Variants in KANSL1 observed in about 807,000 individuals in gnomAD.
The protein encoded by KANSL1 is KAT8 regulatory NSL complex subunit 1, also known as MLL1/MLL complex subunit KANSL1.
A neutral mutation model predicts 103.6 loss-of-function variants in KANSL1; 22 were observed. The observed-to-expected ratio is 0.21, with a 90% CI of 0.15 to 0.30. The LOEUF (loss-of-function observed/expected upper bound fraction) is 0.30. KANSL1 is among the 10% of genes least tolerant of loss of function. The pLI is 1.00. For missense variants in KANSL1, 1,337 were observed against 1,399.8 expected, an observed-to-expected ratio of 0.96 and a Z score of 0.72; for synonymous variants, 600 against 527.6, an observed-to-expected ratio of 1.14 and a Z score of -1.88.
rs2042164101 is a variant in KANSL1, at chr17:46,098,224, C to T, written c.1290-3523G>A. On this transcript the variant is annotated intron_variant, in intron 2 of 14. Transcript: ENST00000432791. ...ACCCTCGTATTTTATTCCCACCTTT[C>T]CTTACTTTTCAAGGCTTACCACCTT... is the stretch of plus-strand genomic sequence containing the variant. 4.0e-5 allele frequency among the ~76,000 whole-genome samples: 6 copies of T among 150,522 alleles called. No homozygotes were observed. The South Asian group carries it at 1.2e-3, about 31-fold the overall frequency.
At chr17:46,135,151 A>G (rs1190503093) in intron 2 of KANSL1, among the ~76,000 whole-genome samples, 2 of 147,378 alleles carry the variant, frequency 1.4e-5, no homozygotes, top group Admixed American at 6.8e-5. Context: ...AGGGAGAAAT[A>G]ACTTGGGGAA....
intron 1 of KANSL1, among the ~76,000 whole-genome samples, chr17:46,190,361 T>C (rs911379287): frequency 1.2e-4 from 18 of 152,198 alleles, no homozygotes; most frequent in African/African-American, 3.9e-4. Flanking sequence ...AGAAATAACA[T>C]GTGTAGGCAG....
At chr17:46,149,096 G>A (rs1285243741) in intron 2 of KANSL1, among the ~76,000 whole-genome samples, 3 of 150,864 alleles carry the variant, frequency 2.0e-5, no homozygotes, top group Non-Finnish European at 4.4e-5. Context: ...TCCACCTCCC[G>A]GGTTCACGCC....
intron 2 of KANSL1, among the ~76,000 whole-genome samples, chr17:46,116,185 TAGAAATAGCTCAGCA>T (rs1313253657): frequency 9.2e-5 from 14 of 152,206 alleles, no homozygotes; most frequent in African/African-American, 3.4e-4. Flanking sequence ...TAGATTTTAT[TAGAAATAGCTCAGCA>T]CGTAAAGTCC....
At chr17:46,210,249 T>C (rs950485460) in intron 1 of KANSL1, among the ~76,000 whole-genome samples, 2 of 151,664 alleles carry the variant, frequency 1.3e-5, no homozygotes, top group Non-Finnish European at 2.9e-5. Flanking sequence ...CTGAGGCGGG[T>C]GGATCATGAG....
chr17:46,154,799 A>G lies in KANSL1; in HGVS notation c.1289+16056T>C, dbSNP rs947083338. On this transcript the variant is annotated intron_variant, in intron 2 of 14. Coordinates refer to ENST00000432791, the MANE Select transcript of KANSL1 (RefSeq NM_015443.4). ...AATCAGAGCATAAGTAACCCATATT[A>G]TACATGGTTTATATGATGCCATCTC... Among the ~76,000 whole-genome samples, 7 of 152,306 alleles carry G rather than the reference A, an allele frequency of 4.6e-5. No homozygotes were observed. In the East Asian group the frequency reaches 1.3e-3, roughly 29 times the overall value.
chr17:46,221,948 C>T (rs1263599392), intron 1 of KANSL1: 1 of 152,198 alleles, frequency 6.6e-6, no homozygotes, highest in Non-Finnish European at 1.5e-5. Context: ...TCAATGCTAT[C>T]CTCCCCGCAA....
At chr17:46,074,721 G>A (rs1245203616) in intron 4 of KANSL1, among the ~76,000 whole-genome samples, 1 of 151,586 alleles carries the variant, frequency 6.6e-6, no homozygotes, top group African/African-American at 2.4e-5. Context: ...TGGTGATTGC[G>A]ACACTGCACT....
At chr17:46,129,458 G>T (rs1334947265) in intron 2 of KANSL1, among the ~76,000 whole-genome samples, 1 of 152,214 alleles carries the variant, frequency 6.6e-6, no homozygotes, top group East Asian at 1.9e-4. Flanking sequence ...CAGTATCTCA[G>T]CAACAGTGCT....
At chr17:46,092,683 A>G (rs1463714952) in intron 3 of KANSL1, among the ~76,000 whole-genome samples, 1 of 114,238 alleles carries the variant, frequency 8.8e-6, no homozygotes, top group Non-Finnish European at 1.6e-5. Flanking sequence ...GTAGCGAGAT[A>G]ATTTTGAGCT....
chr17:46,204,879 C>T (rs1400732260), intron 1 of KANSL1, among the ~76,000 whole-genome samples: 1 of 152,170 alleles, frequency 6.6e-6, no homozygotes, highest in Non-Finnish European at 1.5e-5. Context: ...AAGCACTTAA[C>T]AAAATCCAAC....
At chr17:46,118,184 T>C (rs75047209) in intron 2 of KANSL1, among the ~76,000 whole-genome samples, 2 of 152,248 alleles carry the variant, frequency 1.3e-5, no homozygotes, top group Admixed American at 6.5e-5. Context: ...CTGAGGGTCA[T>C]GTTCCCGACG....
chr17:46,134,135 C>A (rs906743495), intron 2 of KANSL1, among the ~76,000 whole-genome samples: 18 of 152,234 alleles, frequency 1.2e-4, no homozygotes, highest in African/African-American at 4.1e-4. Flanking sequence ...TGGTGGCTCA[C>A]GCCTGTACTC....
rs758494380 is a variant in KANSL1, at chr17:46,030,293, A to C, written c.*1183T>G. ...CCTTTAACTTGCAAACAGAAAAAAA[A>C]ATCACTAATGTTGAAAATTGTGAAA... On this transcript the variant is annotated 3_prime_UTR_variant, in exon 15 of 15. Transcript: ENST00000432791. 9 of 152,350 alleles carry C rather than the reference A, an allele frequency of 5.9e-5. No homozygotes were observed. The highest frequency in any genetic ancestry group is 1.2e-4 in the Non-Finnish European group (8 of 68,018). The allele number at this position is 152,350 out of a possible 1,614,324, so 9.4% of individuals were successfully genotyped here. A position where few individuals can be genotyped will look rare whatever the true frequency, so the allele number is the denominator to read the frequency against.
intron 4 of KANSL1, among the ~76,000 whole-genome samples, chr17:46,073,723 T>C (rs1479991592): frequency 6.6e-6 from 1 of 152,158 alleles, no homozygotes; most frequent in African/African-American, 2.4e-5. Flanking sequence ...AACATAACCA[T>C]ACTGAAAGAT....
At chr17:46,179,031 G>A (rs944246433) in intron 1 of KANSL1, among the ~76,000 whole-genome samples, 1 of 152,158 alleles carries the variant, frequency 6.6e-6, no homozygotes, top group Non-Finnish European at 1.5e-5. Flanking sequence ...GACATCTCAC[G>A]ATGAGTAATC....
At chr17:46,118,807 C>T (rs762817040) in intron 2 of KANSL1, among the ~76,000 whole-genome samples, 1 of 152,232 alleles carries the variant, frequency 6.6e-6, no homozygotes, top group Non-Finnish European at 1.5e-5. Flanking sequence ...CTGCTTCCCT[C>T]TATCAGAGGT....
intron 1 of KANSL1, among the ~76,000 whole-genome samples, chr17:46,199,624 T>C (rs2147973396): frequency 6.6e-6 from 1 of 152,356 alleles, no homozygotes; most frequent in East Asian, 1.9e-4. Flanking sequence ...CTCATACTAC[T>C]GATACAAACT....
intron 11 of KANSL1, among the ~76,000 whole-genome samples, chr17:46,033,807 A>C (rs920197661): frequency 1.3e-5 from 2 of 152,238 alleles, no homozygotes; most frequent in Non-Finnish European, 1.5e-5. Flanking sequence ...AGGGTTGCCT[A>C]ATCTTCTGTT....
Sources: gnomAD v4.1 joint callset for allele counts (sites outside exome capture counted in the v4.1 genomes callset) on GRCh38, gnomAD v4.1.1 for gene constraint, MANE v1.5 for transcripts, NCBI Gene and HGNC (gene_info 2026-07-23, HGNC 2026-07-21) for gene names.